The following RYK variants were observed in gnomAD, a reference collection of about 807,000 sequenced individuals.
The protein encoded by RYK is inactive tyrosine-protein kinase RYK.
Under a neutral mutation model 70.2 loss-of-function variants are expected in RYK, and 21 were observed. The ratio of observed to expected loss-of-function variants is 0.30; its 90% CI spans 0.21 to 0.43. The LOEUF is 0.43. RYK is among the 20% of genes least tolerant of loss of function. RYK has a pLI of 1.00. For missense variants in RYK, 604 were observed against 753.3 expected (o/e 0.80, Z 2.32); for synonymous variants, 267 against 278.0 (o/e 0.96, Z 0.39).
intron 2 of RYK, among the ~76,000 whole-genome samples, chr3:134,221,254 G>T (rs1354459428): frequency 1.5e-5 from 2 of 129,636 alleles, no homozygotes; most frequent in African/African-American, 6.1e-5. Flanking sequence ...TCCCAGGATG[G>T]AGTGCAGTGG....
chr3:134,163,029 G>A (rs185010820), intron 13 of RYK, among the ~76,000 whole-genome samples: 3 of 152,220 alleles, frequency 2.0e-5, no homozygotes, highest in East Asian at 1.9e-4. Flanking sequence ...GGAGTTGAAT[G>A]TAAGTATTAC....
intron 5 of RYK, among the ~76,000 whole-genome samples, chr3:134,206,725 A>G (rs2014223417): frequency 6.6e-6 from 1 of 152,156 alleles, no homozygotes; most frequent in Admixed American, 6.6e-5. Context: ...GTGCCTGAAA[A>G]TACTCTCCTC....
At chr3:134,197,553 T>C (rs754552228) in intron 6 of RYK, among the ~76,000 whole-genome samples, 1 of 152,218 alleles carries the variant, frequency 6.6e-6, no homozygotes, top group Non-Finnish European at 1.5e-5. Context: ...GTGAATATTA[T>C]GCATCTCCAG....
At chr3:134,246,353 G>A (rs1456736698) in intron 1 of RYK, among the ~76,000 whole-genome samples, 10 of 112,572 alleles carry the variant, frequency 8.9e-5, no homozygotes, top group East Asian at 4.9e-4. Context: ...CAGAGAGAGA[G>A]AAAATAAAGG....
chr3:134,200,909 A>G (rs1327997742), intron 6 of RYK, among the ~76,000 whole-genome samples: 1 of 152,262 alleles, frequency 6.6e-6, no homozygotes, highest in Non-Finnish European at 1.5e-5. Flanking sequence ...TGGAACACCA[A>G]TTCATGGATG....
chr3:134,217,976 A>C (rs1239403349), intron 2 of RYK, among the ~76,000 whole-genome samples: 1 of 152,188 alleles, frequency 6.6e-6, no homozygotes, highest in African/African-American at 2.4e-5. Flanking sequence ...TAACACAGAC[A>C]TATTTCCTTA....
chr3:134,218,020 C>T (rs2014613627), intron 2 of RYK, among the ~76,000 whole-genome samples: 1 of 152,158 alleles, frequency 6.6e-6, no homozygotes, highest in Non-Finnish European at 1.5e-5. Context: ...AAGACGGTTA[C>T]TTTCCTCTAA....
chr3:134,211,513 A>G lies in RYK; in HGVS notation c.449T>C (p.Leu150Ser), dbSNP rs1343609127. The change falls in exon 3 of 15, where the codon TTA (leucine) becomes TCA (serine). Residue 150 changes from leucine to serine, a missense_variant. Transcript: ENST00000623711. ...ISVQGEVPRT[L>S]SVFRVELSCT... is the part of the protein sequence containing the mutation. Reference sequence around the variant, plus strand: ...CTTTGAAGACTCTTACTTACCTGATAAAGTGCGTGGAACTTCCCCCTGAAC... The same window carrying G: ...CTTTGAAGACTCTTACTTACCTGATGAAGTGCGTGGAACTTCCCCCTGAAC... 2 of 1,609,450 alleles carry G rather than the reference A, an allele frequency of 1.2e-6. No homozygotes were observed. Among genetic ancestry groups the G allele is most frequent in the Non-Finnish European group, 8.5e-7 (1 of 1,176,862 alleles).
intron 6 of RYK, among the ~76,000 whole-genome samples, chr3:134,200,234 T>A (rs575653449): frequency 3.9e-5 from 6 of 152,212 alleles, no homozygotes; most frequent in African/African-American, 1.2e-4. Flanking sequence ...CGCACTACCT[T>A]TATGAGCTGT....
chr3:134,158,432 A>G (rs1007338514), intron 14 of RYK, among the ~76,000 whole-genome samples, 168 bp from the exon 15 acceptor site: 1 of 152,244 alleles, frequency 6.6e-6, no homozygotes, highest in Admixed American at 6.5e-5. Context: ...AAAGAAGCTA[A>G]AAGAAATTAT....
intron 13 of RYK, among the ~76,000 whole-genome samples, chr3:134,162,214 T>C (rs2012497571): frequency 6.6e-6 from 1 of 150,484 alleles, no homozygotes; most frequent in South Asian, 2.1e-4. Context: ...TCTGAGGTAC[T>C]GGGGGTTAGG....
At position 134,159,230 on chromosome 3, in the gene RYK, A is replaced by C. The variant is rs2012365510; in HGVS notation, c.1712+7T>G. 3 of 1,613,828 alleles carry C rather than the reference A, an allele frequency of 1.9e-6. No homozygotes were observed. Among genetic ancestry groups the C allele is most frequent in the Non-Finnish European group, 2.5e-6 (3 of 1,179,748 alleles). On this transcript the variant is annotated splice_region_variant and intron_variant, in intron 14 of 14. Transcript: ENST00000623711. ...AAACTCATGCCTTCAAGCTCAAAAA[A>C]ACTCACAATTCATCAGGACAGTTGA...
intron 1 of RYK, among the ~76,000 whole-genome samples, chr3:134,234,034 A>G (rs950607471): frequency 2.0e-5 from 3 of 152,166 alleles, no homozygotes; most frequent in African/African-American, 7.2e-5. Context: ...CAGTGGTTGA[A>G]TATAAATAGT....
At chr3:134,177,586 C>G (rs773815129) in intron 11 of RYK, among the ~76,000 whole-genome samples, 10 of 152,308 alleles carry the variant, frequency 6.6e-5, no homozygotes, top group Admixed American at 3.3e-4. Context: ...ATAGTATGAA[C>G]CAAATGGCTC....
intron 1 of RYK, among the ~76,000 whole-genome samples, chr3:134,231,136 T>C (rs953898095): frequency 4.8e-5 from 7 of 146,750 alleles, no homozygotes; most frequent in African/African-American, 7.6e-5. Context: ...AGGAGTTCTG[T>C]AAATTCAACT....
chr3:134,246,303 TACACACACACAC>T (rs71139521), intron 1 of RYK, among the ~76,000 whole-genome samples: 1 of 89,196 alleles, frequency 1.1e-5, no homozygotes, highest in African/African-American at 4.0e-5. Flanking sequence ...CAGAAAGAAA[TACACACACACAC>T]ACACACACAC....
chr3:134,169,988 G>A (rs1398138914), intron 13 of RYK, among the ~76,000 whole-genome samples: 2 of 152,136 alleles, frequency 1.3e-5, no homozygotes, highest in Non-Finnish European at 2.9e-5. Flanking sequence ...TCTTCAACAA[G>A]TGTGCTTTAA....
rs182345849 is a variant in RYK at position 134,226,410 on chromosome 3, C to A, written c.233-3871G>T. On this transcript the variant is annotated intron_variant, in intron 1 of 14. Coordinates refer to ENST00000623711, the MANE Select transcript of RYK (RefSeq NM_002958.4). ...AAATGGCTTCATTAGTGAATTCTATCAAACATTTAGGGAAGACACAACACC... is the reference window on the plus strand; with the variant it reads ...AAATGGCTTCATTAGTGAATTCTATAAAACATTTAGGGAAGACACAACACC... 2.9e-3 allele frequency among the ~76,000 whole-genome samples: 447 copies of A among 152,176 alleles called. 1 individual carries two copies. Among genetic ancestry groups the A allele is most frequent in the African/African-American group, 0.01 (418 of 41,554 alleles).
intron 1 of RYK, among the ~76,000 whole-genome samples, chr3:134,242,742 T>A (rs1240681633): frequency 6.6e-6 from 1 of 152,136 alleles, no homozygotes; most frequent in Non-Finnish European, 1.5e-5. Flanking sequence ...ATTCTTAAAA[T>A]CCAAACAGCA....
Sources: allele counts gnomAD v4.1 joint callset (sites outside exome capture counted in the v4.1 genomes callset), GRCh38; gene constraint gnomAD v4.1.1; transcripts MANE v1.5; gene names NCBI Gene and HGNC (gene_info 2026-07-23, HGNC 2026-07-21).